ABR: variants seen among roughly 807,000 people sequenced by gnomAD.
ABR encodes the protein ABR activator of RhoGEF and GTPase, also known as active breakpoint cluster region-related protein.
A neutral mutation model predicts 107.2 loss-of-function variants in ABR; 35 were observed. The ratio of observed to expected loss-of-function variants is 0.33; its 90% confidence interval spans 0.25 to 0.43. The LOEUF (loss-of-function observed/expected upper bound fraction) is 0.43. ABR is among the 20% of genes least tolerant of loss of function. The probability of loss-of-function intolerance (pLI) is 1.00; values close to 1 mark genes in which losing one functional copy is unlikely to be tolerated. For missense variants in ABR, 815 were observed against 1,115.2 expected, an observed-to-expected ratio of 0.73 and a Z score of 3.83; for synonymous variants, 498 against 462.0, an observed-to-expected ratio of 1.08 and a Z score of -1.00.
intron 1 of ABR, among the ~76,000 whole-genome samples, chr17:1,134,487 C>G (rs1270693326): frequency 6.6e-6 from 1 of 152,114 alleles, no homozygotes; most frequent in Non-Finnish European, 1.5e-5. Flanking sequence ...TGCTGTTCAG[C>G]TGAGCCACAC....
At position 1,132,578 on chromosome 17, in the gene ABR, CG is replaced by C. The variant is rs1376423110; in HGVS notation, c.62-7212del. Among the ~76,000 whole-genome samples the C allele has an allele frequency of 1.2e-4, 18 of 151,942 alleles. No homozygotes were observed. In the East Asian group the frequency reaches 3.5e-3, roughly 30 times the overall value. On this transcript the variant is annotated intron_variant, in intron 1 of 22. Transcript: ENST00000302538. ...ATTTTTAGTAAAGACGGGGTTTCAC[CG>C]TGTTAGCCGGGATGGTCTCCAACTC... is the stretch of plus-strand genomic sequence containing the variant.
chr17:1,087,172 A>C (rs1445337324), intron 4 of ABR, among the ~76,000 whole-genome samples: 2 of 152,226 alleles, frequency 1.3e-5, no homozygotes, highest in Non-Finnish European at 2.9e-5. Context: ...AGGGGGATAC[A>C]GCTGCTGCCT....
At chr17:1,091,990 G>A (rs1279359988) in intron 3 of ABR, 140 bp from the exon 4 acceptor site, 23 of 882,006 alleles carry the variant, frequency 2.6e-5, no homozygotes, top group Non-Finnish European at 3.5e-5. Context: ...GCACTGAAAC[G>A]AGCTTTGTAT....
chr17:1,194,937 C>T (rs1158611397), intron 1 of ABR, among the ~76,000 whole-genome samples: 1 of 143,164 alleles, frequency 7.0e-6, no homozygotes, highest in East Asian at 2.5e-4. Context: ...CAGGTGTGAG[C>T]CACCGCGCCC....
At chr17:1,185,934 CA>C (rs201040131) in intron 1 of ABR, among the ~76,000 whole-genome samples, 4,904 of 152,026 alleles carry the variant, frequency 0.032, 124 homozygotes, top group East Asian at 0.13. Context: ...CTCCTGGGTT[CA>C]AGCGATTCTC....
intron 1 of ABR, among the ~76,000 whole-genome samples, chr17:1,146,808 AC>A (rs1292232134): frequency 8.0e-6 from 1 of 125,120 alleles, no homozygotes; most frequent in Non-Finnish European, 1.7e-5. Context: ...CACCACTGCC[AC>A]CAGGCCACCA....
At chr17:1,226,296 CCA>C (rs1831387177) in intron 1 of ABR, among the ~76,000 whole-genome samples, 1 of 152,180 alleles carries the variant, frequency 6.6e-6, no homozygotes. Context: ...CTTAATCGCT[CCA>C]CTCTAATGCC....
Position 1,010,567 on chromosome 17 carries a change from G to A in ABR, c.2236+162C>T. The A allele has an allele frequency of 1.1e-6, 1 of 924,996 alleles. No homozygotes were observed. Among genetic ancestry groups the A allele is most frequent in the Non-Finnish European group, 1.6e-6 (1 of 628,738 alleles). The allele number at this position is 924,996 out of a possible 1,614,324, so 57.3% of individuals were successfully genotyped here. A position where few individuals can be genotyped will look rare whatever the true frequency, so the allele number is the denominator to read the frequency against. On this transcript the variant is annotated intron_variant, in intron 20 of 22. Coordinates refer to ENST00000302538, the MANE Select transcript of ABR (RefSeq NM_021962.5). The surrounding 1 kb of genome is among the most constrained non-coding windows in gnomAD (Gnocchi z 4.1). ...CAGTGTCTGCACCAGGTCCCAGCAG[G>A]CCACACCTCACCCTCGGACCCCTCA...
At position 1,019,649 on chromosome 17, in the gene ABR, A is replaced by G. The variant is rs940964087; in HGVS notation, c.1792-6485T>C. Among the ~76,000 whole-genome samples the G allele has an allele frequency of 4.6e-5, 7 of 152,272 alleles. No individual in the cohort carries two copies. In the South Asian group the frequency reaches 1.2e-3, roughly 27 times the overall value. ...AAACACAGAGGAGGGAGGGAGAGGC[A>G]CAGCGTACATTTTCCAGAGAAACGC... is the stretch of plus-strand genomic sequence containing the variant. On this transcript the variant is annotated intron_variant, in intron 16 of 22. Coordinates refer to ENST00000302538, the MANE Select transcript of ABR (RefSeq NM_021962.5).
In ABR at chr17:1,004,740, C is replaced by T. The variant is rs1297131357; in HGVS notation, c.*1340G>A. 10 of 297,762 alleles carry T rather than the reference C, an allele frequency of 3.4e-5. No individual in the cohort carries two copies. Among genetic ancestry groups the T allele is most frequent in the Non-Finnish European group, 4.9e-5 (8 of 161,786 alleles). 18.4% of individuals were successfully genotyped at this position (297,762 alleles called of 1,614,324 possible). On this transcript the variant is annotated 3_prime_UTR_variant, in exon 23 of 23. Transcript: ENST00000302538. ...AGCAGAACCCAGCCCCTAGAGGCGG[C>T]TGTCTGATTCCCCACTCTCCCCACA... is the stretch of plus-strand genomic sequence containing the variant.
intron 1 of ABR, among the ~76,000 whole-genome samples, chr17:1,205,637 T>TC (rs540005362): frequency 2.9e-3 from 442 of 152,214 alleles, no homozygotes; most frequent in Non-Finnish European, 4.5e-3. Flanking sequence ...TAGTAAGACT[T>TC]CATCTCTACA....
At chr17:1,030,757 G>A (rs1002042463) in intron 16 of ABR, among the ~76,000 whole-genome samples, 7 of 152,272 alleles carry the variant, frequency 4.6e-5, no homozygotes, top group East Asian at 1.9e-4. Context: ...TCCCCACCAC[G>A]GACTGGCCAA....
intron 6 of ABR, chr17:1,079,059 G>GAGGGGT (rs1320929895): frequency 3.2e-5 from 44 of 1,373,334 alleles, no homozygotes; most frequent in Non-Finnish European, 3.9e-5. Context: ...GGAAGGGGAG[G>GAGGGGT]AGGGGTAGGG....
chr17:1,188,730 C>A (rs1209864614), upstream of ABR, among the ~76,000 whole-genome samples: 1 of 152,172 alleles, frequency 6.6e-6, no homozygotes, highest in African/African-American at 2.4e-5. Flanking sequence ...GAGTTCCCAT[C>A]TCACCCCCAG....
intron 3 of ABR, among the ~76,000 whole-genome samples, chr17:1,094,559 T>C (rs150922377): frequency 2.1e-3 from 325 of 152,210 alleles, no homozygotes; most frequent in African/African-American, 7.5e-3. Context: ...TTTGTAGATA[T>C]GGGGTTTCAC....
chr17:1,191,705 T>G (rs1249862405), upstream of ABR, among the ~76,000 whole-genome samples: 1 of 152,118 alleles, frequency 6.6e-6, no homozygotes, highest in African/African-American at 2.4e-5. Flanking sequence ...ATGAGGGGCC[T>G]GTTGAAAGCA....
Position 1,028,177 on chromosome 17 carries a change from A to G in ABR, c.1792-15013T>C, listed in dbSNP as rs372735165. ...ATGATCTCGGCTCACTGCAACCTCCACCTCCCAGGTTCAAGCGATGCTCCT... is the reference window on the plus strand; with the variant it reads ...ATGATCTCGGCTCACTGCAACCTCCGCCTCCCAGGTTCAAGCGATGCTCCT... On this transcript the variant is annotated intron_variant, in intron 16 of 22. Transcript: ENST00000302538. 6.9e-4 allele frequency among the ~76,000 whole-genome samples: 103 copies of G among 149,780 alleles called. 2 individuals are homozygous for G. The South Asian group carries it at 0.019, about 28-fold the overall frequency.
At position 1,056,078 on chromosome 17, in the gene ABR, A is replaced by C. The variant is rs1239211606; in HGVS notation, c.1518T>G (p.Leu506=). Residue 506 remains leucine (L), a synonymous_variant, in exon 14 of 23, where the codon CTT becomes CTG. Transcript: ENST00000302538. ...CCTTGGCAGAGTGGACGATGACATG[A>C]AGGAAGCCATAGAGTCCTGGAGACT... is the stretch of plus-strand genomic sequence containing the variant. ...DDESPGLYGF[L]HVIVHSAKGF... 1.4e-5 allele frequency: 23 copies of C among 1,614,076 alleles called. No homozygotes were observed. The highest frequency in any genetic ancestry group is 2.2e-5 in the East Asian group (1 of 44,898).
chr17:1,008,578 G>A (rs992881296), intron 21 of ABR, among the ~76,000 whole-genome samples: 3 of 152,220 alleles, frequency 2.0e-5, no homozygotes, highest in African/African-American at 7.2e-5. Context: ...GAATTGGTTG[G>A]GGCTCTAGTC....
Sources: gnomAD v4.1 joint callset for allele counts (sites outside exome capture counted in the v4.1 genomes callset) on GRCh38, gnomAD v4.1.1 for gene constraint, Gnocchi (gnomAD v3.1) non-coding constraint, MANE v1.5 for transcripts, NCBI Gene and HGNC (gene_info 2026-07-23, HGNC 2026-07-21) for gene names.